The following NAV3 variants were observed in gnomAD, a reference collection of about 807,000 sequenced individuals.
NAV3 encodes pore membrane and/or filament interacting like protein 1.
A neutral mutation model predicts 244.7 loss-of-function variants in NAV3; 87 were observed. That is an observed-to-expected ratio of 0.36 (90% confidence interval 0.30 to 0.42). The LOEUF (loss-of-function observed/expected upper bound fraction) is 0.42, where lower values mean the gene tolerates loss of function less well. Among genes scored for constraint, NAV3 ranks in the 20% least tolerant of loss-of-function variants. The probability of loss-of-function intolerance (pLI) is 1.00; values close to 1 mark genes in which losing one functional copy is unlikely to be tolerated. For synonymous variants in NAV3, 1,126 were observed against 1,042.2 expected (o/e 1.08, Z -1.55); for missense variants, 2,663 against 2,893.3 (o/e 0.92, Z 1.83).
At chr12:77,689,743 T>C (rs1874919287) in intron 2 of NAV3, among the ~76,000 whole-genome samples, 1 of 151,840 alleles carries the variant, frequency 6.6e-6, no homozygotes, top group African/African-American at 2.4e-5. Context: ...TGAAGTTTCA[T>C]TTTTAGGTAT....
chr12:78,098,244 T>C (rs965985536), intron 12 of NAV3, among the ~76,000 whole-genome samples: 3 of 152,018 alleles, frequency 2.0e-5, no homozygotes, highest in African/African-American at 7.2e-5. Flanking sequence ...TTTTTAAAAA[T>C]TAAAAATTTA....
chr12:77,856,801 G>T (rs985353776), intron 1 of NAV3, among the ~76,000 whole-genome samples: 4 of 152,032 alleles, frequency 2.6e-5, no homozygotes, highest in African/African-American at 9.7e-5. Context: ...CAGACATTTA[G>T]AATTATGCAC....
intron 1 of NAV3, among the ~76,000 whole-genome samples, chr12:77,920,030 T>C (rs964417705): frequency 6.6e-6 from 1 of 152,038 alleles, no homozygotes; most frequent in Non-Finnish European, 1.5e-5. Context: ...GCAATATTTA[T>C]CAACTGCACG....
At chr12:77,615,034 A>G (rs1479869595) in intron 2 of NAV3, among the ~76,000 whole-genome samples, 2 of 152,164 alleles carry the variant, frequency 1.3e-5, no homozygotes, top group African/African-American at 4.8e-5. Flanking sequence ...TATGGCAAGG[A>G]CATCACATGC....
chr12:77,709,907 G>A (rs1876024214), intron 2 of NAV3, among the ~76,000 whole-genome samples: 2 of 152,148 alleles, frequency 1.3e-5, no homozygotes, highest in African/African-American at 4.8e-5. Context: ...CGCCAGCACT[G>A]AAGACTGAGC....
At chr12:77,905,850 T>C (rs1265892344) in intron 1 of NAV3, among the ~76,000 whole-genome samples, 6 of 152,162 alleles carry the variant, frequency 3.9e-5, no homozygotes, top group Non-Finnish European at 7.4e-5. Flanking sequence ...TGGAAACATT[T>C]TGAGCTAACT....
At chr12:78,010,109 A>G (rs1215816676) in intron 8 of NAV3, among the ~76,000 whole-genome samples, 1 of 152,188 alleles carries the variant, frequency 6.6e-6, no homozygotes, top group Non-Finnish European at 1.5e-5. Flanking sequence ...CTATATATAA[A>G]GTAATATTCA....
chr12:77,774,735 T>A (rs1346242932), intron 2 of NAV3, among the ~76,000 whole-genome samples: 3 of 152,180 alleles, frequency 2.0e-5, no homozygotes, highest in African/African-American at 7.2e-5. Flanking sequence ...CGCATTTAAA[T>A]ACATTATAAT....
intron 2 of NAV3, among the ~76,000 whole-genome samples, chr12:77,626,065 G>A (rs897824720): frequency 1.3e-5 from 2 of 152,028 alleles, no homozygotes; most frequent in African/African-American, 4.8e-5. Flanking sequence ...AACAACTCGT[G>A]ATCTAAATGA....
chr12:78,007,306 C>T lies in NAV3; in HGVS notation c.1768C>T (p.Gln590Ter), dbSNP rs769917517. ...PAPLEGREAG[Q>*]ASPSGSCTMT... ...CCCTTTGGAAGGAAGGGAAGCTGGC[C>T]AAGCTTCTCCTTCTGGTTCCTGTAC... Residue 590 changes from glutamine to a stop codon, truncating the protein, a stop_gained, in exon 8 of 40, where the codon CAA (glutamine) becomes TAA (stop). Transcript: ENST00000397909. LOFTEE classifies it high-confidence loss of function. The T allele has an allele frequency of 1.2e-6, 2 of 1,614,146 alleles. No individual in the cohort carries two copies. The highest frequency in any genetic ancestry group is 1.7e-6 in the Non-Finnish European group (2 of 1,180,032).
intron 1 of NAV3, among the ~76,000 whole-genome samples, chr12:77,869,407 T>G (rs1300579016): frequency 6.6e-6 from 1 of 152,250 alleles, no homozygotes; most frequent in Non-Finnish European, 1.5e-5. Flanking sequence ...AGGCATTCAA[T>G]GCAATCAATC....
intron 2 of NAV3, among the ~76,000 whole-genome samples, chr12:77,737,785 C>T (rs1015744682): frequency 2.0e-5 from 3 of 152,182 alleles, no homozygotes; most frequent in Admixed American, 1.3e-4. Flanking sequence ...TGTAAGAATT[C>T]AACAGCCACT....
chr12:77,954,155 AGTTAAAC>A (rs1197248083), intron 3 of NAV3, among the ~76,000 whole-genome samples: 1 of 152,212 alleles, frequency 6.6e-6, no homozygotes, highest in Non-Finnish European at 1.5e-5. Context: ...ATATACAAGT[AGTTAAAC>A]TTGTGAACTT....
intron 2 of NAV3, among the ~76,000 whole-genome samples, chr12:77,740,514 T>C (rs1057360978): frequency 3.3e-5 from 5 of 152,114 alleles, no homozygotes; most frequent in Non-Finnish European, 7.4e-5. Context: ...GTACAAGTTA[T>C]TTTTGAGACA....
intron 1 of NAV3, among the ~76,000 whole-genome samples, chr12:77,870,160 A>C (rs1261422933): frequency 6.6e-6 from 1 of 152,032 alleles, no homozygotes; most frequent in Non-Finnish European, 1.5e-5. Context: ...AGGCCAAGAG[A>C]TCGAGACCAT....
intron 9 of NAV3, among the ~76,000 whole-genome samples, chr12:78,043,998 C>G (rs1274710795): frequency 6.6e-6 from 1 of 152,184 alleles, no homozygotes; most frequent in Non-Finnish European, 1.5e-5. Flanking sequence ...CTCATGAAGT[C>G]TTTGCCCATG....
intron 1 of NAV3, among the ~76,000 whole-genome samples, chr12:77,843,790 G>A (rs1463312150): frequency 6.6e-6 from 1 of 151,490 alleles, no homozygotes; most frequent in Non-Finnish European, 1.5e-5. Context: ...AAAGGGCGGG[G>A]GGCATTGCCC....
chr12:77,732,741 C>T (rs985842714), intron 2 of NAV3, among the ~76,000 whole-genome samples: 2 of 151,994 alleles, frequency 1.3e-5, no homozygotes, highest in African/African-American at 2.4e-5. Context: ...CTGATATTTG[C>T]ACCTAAGTAA....
chr12:77,857,880 A>C (rs2136304518), intron 1 of NAV3, among the ~76,000 whole-genome samples: 1 of 152,114 alleles, frequency 6.6e-6, no homozygotes, highest in South Asian at 2.1e-4. Flanking sequence ...TTTATGACAC[A>C]GAGTTGATGA....
Sources: gnomAD v4.1 joint callset for allele counts (sites outside exome capture counted in the v4.1 genomes callset) on GRCh38, gnomAD v4.1.1 for gene constraint, MANE v1.5 for transcripts, NCBI Gene and HGNC (gene_info 2026-07-23, HGNC 2026-07-21) for gene names.